DHRSX: variants seen among roughly 807,000 people sequenced by gnomAD.
DHRSX encodes polyprenol dehydrogenase.
Under a neutral mutation model 34.0 loss-of-function variants are expected in DHRSX, and 31 were observed. That is an observed-to-expected ratio of 0.91 (90% CI 0.69 to 1.23). The LOEUF is 1.23. Ranked by LOEUF, DHRSX falls within the 50% of genes most tolerant of loss-of-function variation. The probability of loss-of-function intolerance (pLI) is 0.00; values close to 1 mark genes in which losing one functional copy is unlikely to be tolerated. For missense variants in DHRSX, 414 were observed against 428.1 expected (o/e 0.97, Z 0.29); for synonymous variants, 201 against 183.8 (o/e 1.09, Z -0.76).
chrX:2,443,859 A>T (rs2044093609), intron 1 of DHRSX, among the ~76,000 whole-genome samples: 1 of 152,114 alleles, frequency 6.6e-6, no homozygotes, highest in Admixed American at 6.6e-5. Flanking sequence ...ACAAAAAATT[A>T]GCCGGGTGTG....
intron 1 of DHRSX, among the ~76,000 whole-genome samples, chrX:2,465,945 A>G (rs2044488453): frequency 6.6e-6 from 1 of 152,312 alleles, no homozygotes; most frequent in Non-Finnish European, 1.5e-5. Context: ...TCTACCAGGA[A>G]ATTGCAATTC....
chrX:2,471,474 G>A lies in DHRSX; in HGVS notation c.109+29343C>T, dbSNP rs1046693511. Among the ~76,000 whole-genome samples the A allele has an allele frequency of 4.6e-5, 7 of 151,694 alleles. No homozygotes were observed. The South Asian group carries it at 1.0e-3, about 22-fold the overall frequency. On this transcript the variant is annotated intron_variant, in intron 1 of 6. Coordinates refer to ENST00000334651, the MANE Select transcript of DHRSX (RefSeq NM_145177.3). ...CCCAGCTACTCAGGAGACTGAGGCA[G>A]AATTGCTCAAACCCGGGAGATGTTG...
chrX:2,265,941 G>T (rs751051907), intron 5 of DHRSX, among the ~76,000 whole-genome samples: 16 of 141,300 alleles, frequency 1.1e-4, no homozygotes, highest in African/African-American at 4.1e-4. Flanking sequence ...AGGGAGCACT[G>T]TCCCCAGAGC....
At chrX:2,484,306 T>C (rs1437669674) in intron 1 of DHRSX, among the ~76,000 whole-genome samples, 4 of 152,154 alleles carry the variant, frequency 2.6e-5, no homozygotes, top group Non-Finnish European at 5.9e-5. Context: ...CAAAACTAAG[T>C]TGTTGAGAGA....
At chrX:2,439,961 G>A (rs932574812) in intron 1 of DHRSX, among the ~76,000 whole-genome samples, 5 of 152,160 alleles carry the variant, frequency 3.3e-5, no homozygotes, top group African/African-American at 1.2e-4. Flanking sequence ...TGCAAGAGAT[G>A]CTAAAATTCA....
chrX:2,246,500 G>A (rs951088249), intron 5 of DHRSX, among the ~76,000 whole-genome samples: 2 of 151,822 alleles, frequency 1.3e-5, no homozygotes, highest in African/African-American at 2.4e-5. Context: ...GCGGGTGCCT[G>A]TAGACCCAAC....
chrX:2,432,177 G>GT (rs1490817734), intron 1 of DHRSX, among the ~76,000 whole-genome samples: 2 of 151,780 alleles, frequency 1.3e-5, no homozygotes, highest in Non-Finnish European at 2.9e-5. Flanking sequence ...CAGGGCGACA[G>GT]AGCCAGACTC....
chrX:2,254,340 T>G (rs1205722960), intron 5 of DHRSX, among the ~76,000 whole-genome samples: 3 of 152,174 alleles, frequency 2.0e-5, no homozygotes, highest in African/African-American at 7.2e-5. Flanking sequence ...GCCAATGCAA[T>G]TAGGGAAACT....
chrX:2,452,375 T>C lies in DHRSX; in HGVS notation c.110-27071A>G, dbSNP rs369833646. 1.4e-3 allele frequency among the ~76,000 whole-genome samples: 217 copies of C among 151,308 alleles called. 2 individuals carry two copies. The highest frequency in any genetic ancestry group is 4.9e-3 in the African/African-American group (201 of 41,244). On this transcript the variant is annotated intron_variant, in intron 1 of 6. Transcript: ENST00000334651. ...TAGGCATGTGGTCAAGGGACCGCAC[T>C]GAAGATGTTCCCTAAGCATGTAGCC...
At chrX:2,492,314 CAGG>C (rs374998627) in intron 1 of DHRSX, among the ~76,000 whole-genome samples, 99 of 152,136 alleles carry the variant, frequency 6.5e-4, no homozygotes, top group African/African-American at 2.3e-3. Context: ...CACGGACACA[CAGG>C]AGAAGACCAC....
chrX:2,338,850 C>G (rs1005067450), intron 3 of DHRSX, among the ~76,000 whole-genome samples: 3 of 151,986 alleles, frequency 2.0e-5, no homozygotes, highest in African/African-American at 7.2e-5. Flanking sequence ...CGAAGACACC[C>G]CAGCTCTCTC....
intron 5 of DHRSX, among the ~76,000 whole-genome samples, chrX:2,248,210 G>C (rs1331393415): frequency 6.6e-6 from 1 of 152,114 alleles, no homozygotes; most frequent in African/African-American, 2.4e-5. Context: ...AAGGTGGGCA[G>C]ACCACAAGGT....
In DHRSX at chrX:2,484,765, C is replaced by G. The variant is rs143888686; in HGVS notation, c.109+16052G>C. Among the ~76,000 whole-genome samples the G allele has an allele frequency of 5.9e-3, 893 of 152,214 alleles. 2 individuals are homozygous for G. The highest frequency in any genetic ancestry group is 0.019 in the African/African-American group (801 of 41,514). ...CACAGAGGGGAAAACAGTAGAACTGCTGCCCAAGCACATCTGAGACTCGCA... is the reference window on the plus strand; with the variant it reads ...CACAGAGGGGAAAACAGTAGAACTGGTGCCCAAGCACATCTGAGACTCGCA... On this transcript the variant is annotated intron_variant, in intron 1 of 6. Coordinates refer to ENST00000334651, the MANE Select transcript of DHRSX (RefSeq NM_145177.3).
At chrX:2,325,283 G>A (rs972537014) in intron 3 of DHRSX, among the ~76,000 whole-genome samples, 1 of 128,558 alleles carries the variant, frequency 7.8e-6, no homozygotes, top group Non-Finnish European at 1.7e-5. Flanking sequence ...TCCATCTTCC[G>A]GGCAGGAACT....
intron 3 of DHRSX, among the ~76,000 whole-genome samples, chrX:2,321,237 G>A (rs1055757780): frequency 2.6e-5 from 4 of 152,046 alleles, no homozygotes; most frequent in East Asian, 1.9e-4. Context: ...ATCCGATTTC[G>A]CCATGGCAGC....
chrX:2,231,443 C>T (rs192049440), intron 6 of DHRSX, among the ~76,000 whole-genome samples: 3,021 of 151,162 alleles, frequency 0.02, 90 homozygotes, highest in African/African-American at 0.068. Context: ...CTCTTTTTCT[C>T]TCTCTATTCC....
chrX:2,446,052 C>T (rs2124671275), intron 1 of DHRSX, among the ~76,000 whole-genome samples: 1 of 151,806 alleles, frequency 6.6e-6, no homozygotes, highest in South Asian at 2.1e-4. Context: ...AAGTTTGTGG[C>T]TAAGGGACCG....
At chrX:2,268,952 T>A (rs1302611184) in intron 4 of DHRSX, among the ~76,000 whole-genome samples, 3 of 152,206 alleles carry the variant, frequency 2.0e-5, no homozygotes, top group African/African-American at 7.2e-5. Context: ...GTATGATTAA[T>A]ACACACACAC....
intron 1 of DHRSX, among the ~76,000 whole-genome samples, chrX:2,440,108 G>A (rs773359964): frequency 6.6e-6 from 1 of 152,276 alleles, no homozygotes; most frequent in Admixed American, 6.5e-5. Context: ...ATGCAGAAAG[G>A]AAAACAAGGT....
Sources: allele counts gnomAD v4.1 joint callset (sites outside exome capture counted in the v4.1 genomes callset), GRCh38; gene constraint gnomAD v4.1.1; transcripts MANE v1.5; gene names NCBI Gene and HGNC (gene_info 2026-07-23, HGNC 2026-07-21).